Variants in NAPG observed in about 807,000 individuals in gnomAD.
The protein encoded by NAPG is NSF attachment protein gamma.
NAPG carries 25 observed loss-of-function variants against 48.4 expected under a neutral mutation model. That is an observed-to-expected ratio of 0.52 (90% CI 0.38 to 0.72). The LOEUF (loss-of-function observed/expected upper bound fraction) is 0.72, where lower values mean the gene tolerates loss of function less well. Ranked by LOEUF, NAPG falls within the 30% of genes least tolerant of loss-of-function variation. The probability of loss-of-function intolerance (pLI) is 0.00; values close to 1 mark genes in which losing one functional copy is unlikely to be tolerated. For synonymous variants in NAPG, 139 were observed against 127.2 expected, an observed-to-expected ratio of 1.09 and a Z score of -0.62; for missense variants, 359 against 372.5, an observed-to-expected ratio of 0.96 and a Z score of 0.30.
rs527858203 is a variant in NAPG at position 10,546,463 on chromosome 18, G to C, written c.585+59G>C. 1.1e-6 allele frequency: 1 copy of C among 936,748 alleles called. No individual in the cohort carries two copies. The highest frequency in any genetic ancestry group is 1.6e-6 in the Non-Finnish European group (1 of 627,318). The allele number at this position is 936,748 out of a possible 1,614,324, so 58.0% of individuals were successfully genotyped here. A position where few individuals can be genotyped will look rare whatever the true frequency, so the allele number is the denominator to read the frequency against. On this transcript the variant is annotated intron_variant, in intron 9 of 11. Transcript: ENST00000322897. The surrounding 1 kb of genome is among the most constrained non-coding windows in gnomAD (Gnocchi z 4.0). ...ATTAGATGATTTTTTATACTGGTAT[G>C]AATAAGTACTTAAGAAAGGATTCTA... is the stretch of plus-strand genomic sequence containing the variant.
At chr18:10,527,405 A>ACTCAAG (rs1332400869) in intron 1 of NAPG, among the ~76,000 whole-genome samples, 7 of 151,972 alleles carry the variant, frequency 4.6e-5, no homozygotes, top group African/African-American at 4.8e-5. Flanking sequence ...CAGTGGAAAA[A>ACTCAAG]CTCAAGCTCT....
chr18:10,530,667 CTTTTTTTTT>C, intron 1 of NAPG, 94 bp from the exon 2 acceptor site: 1 of 480,570 alleles, frequency 2.1e-6, no homozygotes, highest in Non-Finnish European at 3.2e-6. Flanking sequence ...ATGGTTTCTC[CTTTTTTTTT>C]TTTTTTTTAA....
Position 10,552,692 on chromosome 18 carries a change from T to C in NAPG, c.*2472T>C, listed in dbSNP as rs1258086659. The C allele has an allele frequency of 6.6e-6, 1 of 152,252 alleles. No homozygotes were observed. The highest frequency in any genetic ancestry group is 1.5e-5 in the Non-Finnish European group (1 of 68,038). The allele number at this position is 152,252 out of a possible 1,614,324, so 9.4% of individuals were successfully genotyped here. On this transcript the variant is annotated 3_prime_UTR_variant, in exon 12 of 12. Transcript: ENST00000322897. ...ACTCTGATGAGTAGAATATTAAATG[T>C]GTTGTTATGGAAATACAGATTATTG...
rs767284478 is a variant in NAPG at position 10,542,593 on chromosome 18, G to A, written c.506+2194G>A. ...TGTTGCCTAAAAGAACTAAACAGGT[G>A]GTAATTTTATGCTTCACACAAGCAA... On this transcript the variant is annotated intron_variant, in intron 8 of 11. Coordinates refer to ENST00000322897, the MANE Select transcript of NAPG (RefSeq NM_003826.3). This position sits in a 1 kb window ranked among gnomAD's most constrained non-coding sequence, Gnocchi z 4.5. 2.0e-4 allele frequency among the ~76,000 whole-genome samples: 30 copies of A among 152,162 alleles called. No individual in the cohort carries two copies. The highest frequency in any genetic ancestry group is 1.2e-4 in the Non-Finnish European group (8 of 68,022).
At chr18:10,549,711 T>C (rs1208540283) in intron 11 of NAPG, among the ~76,000 whole-genome samples, 1 of 152,234 alleles carries the variant, frequency 6.6e-6, no homozygotes, top group Non-Finnish European at 1.5e-5. Context: ...AGTACCTGTT[T>C]GGCCTTAGGC....
At chr18:10,528,055 G>A (rs1000796145) in intron 1 of NAPG, among the ~76,000 whole-genome samples, 24 of 152,082 alleles carry the variant, frequency 1.6e-4, no homozygotes, top group African/African-American at 4.6e-4. Context: ...CTGTGGTGGC[G>A]CGCACCTGTA....
chr18:10,539,677 A>T lies in NAPG; in HGVS notation c.259-85A>T, dbSNP rs915009289. 2 of 1,126,814 alleles carry T rather than the reference A, an allele frequency of 1.8e-6. No homozygotes were observed. Among genetic ancestry groups the T allele is most frequent in the African/African-American group, 3.1e-5 (2 of 63,690 alleles). 69.8% of individuals were successfully genotyped at this position (1,126,814 alleles called of 1,614,324 possible). A position where few individuals can be genotyped will look rare whatever the true frequency, so the allele number is the denominator to read the frequency against. On this transcript the variant is annotated intron_variant, in intron 5 of 11. Transcript: ENST00000322897. The surrounding 1 kb of genome is among the most constrained non-coding windows in gnomAD (Gnocchi z 4.7). The stretch of plus-strand genomic sequence containing the variant: ...ACATGTGTCCCAGAACTTAAAATAA[A>T]AAATAATTGCATTTCAGATTGTTAA...
chr18:10,544,218 C>T lies in NAPG; in HGVS notation c.507-2108C>T, dbSNP rs757447634. On this transcript the variant is annotated intron_variant, in intron 8 of 11. Coordinates refer to ENST00000322897, the MANE Select transcript of NAPG (RefSeq NM_003826.3). This position sits in a 1 kb window ranked among gnomAD's most constrained non-coding sequence, Gnocchi z 5.1. ...GCATTAATTTTTTATTTCTGCATAG[C>T]AGATTGCTACAAACTTAGCAGCTTA... is the stretch of plus-strand genomic sequence containing the variant. Among the ~76,000 whole-genome samples, 6 of 152,192 alleles carry T rather than the reference C, an allele frequency of 3.9e-5. No individual in the cohort carries two copies. Among genetic ancestry groups the T allele is most frequent in the Non-Finnish European group, 7.3e-5 (5 of 68,030 alleles).
intron 5 of NAPG, among the ~76,000 whole-genome samples, chr18:10,536,301 C>G (rs537176711): frequency 5.3e-5 from 8 of 152,308 alleles, no homozygotes; most frequent in African/African-American, 1.7e-4. Flanking sequence ...CTGTTGGGAG[C>G]ACAGGACCCC....
rs2032304916 is a variant in NAPG, at chr18:10,548,049, G to A, written c.586-250G>A. On this transcript the variant is annotated intron_variant, in intron 9 of 11. Transcript: ENST00000322897. The surrounding 1 kb of genome is among the most constrained non-coding windows in gnomAD (Gnocchi z 4.4). ...AGACCAGCAGCAGGAGTGCCCCCTG[G>A]AATTTGTTAGAAATGGGTGAATCCC... 6.6e-6 allele frequency among the ~76,000 whole-genome samples: 1 copy of A among 152,164 alleles called. No individual in the cohort carries two copies. Among genetic ancestry groups the A allele is most frequent in the African/African-American group, 2.4e-5 (1 of 41,450 alleles).
Position 10,550,121 on chromosome 18 carries a change from C to G in NAPG, c.840C>G (p.Ile280Met), listed in dbSNP as rs2032356742. ...GLSLVVPGGG[I>M]KKKSPATPQA... ...GTTTGGTGGTTCCAGGAGGGGGAAT[C>G]AAGAAGAAATCACCTGCAACACCAC... Residue 280 changes from isoleucine to methionine, a missense_variant, in exon 12 of 12, where the codon ATC becomes ATG. Ile to Met is a conservative substitution (Grantham distance 10). Transcript: ENST00000322897. 1 of 1,575,482 alleles carries G rather than the reference C, an allele frequency of 6.3e-7. No homozygotes were observed. The highest frequency in any genetic ancestry group is 1.7e-4 in the Middle Eastern group (1 of 5,976).
At chr18:10,547,002 C>T (rs1598413041) in intron 9 of NAPG, among the ~76,000 whole-genome samples, 1 of 152,268 alleles carries the variant, frequency 6.6e-6, no homozygotes, top group Non-Finnish European at 1.5e-5. Context: ...GGAGAAAATT[C>T]CGGAAAGGAG....
chr18:10,548,627 T>A lies in NAPG; in HGVS notation c.665+249T>A, dbSNP rs1271504471. On this transcript the variant is annotated intron_variant, in intron 10 of 11. Coordinates refer to ENST00000322897, the MANE Select transcript of NAPG (RefSeq NM_003826.3). The surrounding 1 kb of genome is among the most constrained non-coding windows in gnomAD (Gnocchi z 4.4). ...AGTCATTTTAGTCATTTTATTTGCC[T>A]TCTAAGAAAAAAAGAACAAGAAAAA... Among the ~76,000 whole-genome samples the A allele has an allele frequency of 1.3e-5, 2 of 151,916 alleles. No homozygotes were observed. The highest frequency in any genetic ancestry group is 2.9e-5 in the Non-Finnish European group (2 of 67,970).
At chr18:10,538,170 A>G (rs2032073985) in intron 5 of NAPG, among the ~76,000 whole-genome samples, 1 of 152,002 alleles carries the variant, frequency 6.6e-6, no homozygotes, top group Non-Finnish European at 1.5e-5. Context: ...TAATAGTAAG[A>G]TACAGAATTT....
rs2032386945 is a variant in NAPG, at chr18:10,551,250, C to A, written c.*1030C>A. 1 of 152,002 alleles carries A rather than the reference C, an allele frequency of 6.6e-6. No individual in the cohort carries two copies. The highest frequency in any genetic ancestry group is 1.5e-5 in the Non-Finnish European group (1 of 68,000). 9.4% of individuals were successfully genotyped at this position (152,002 alleles called of 1,614,324 possible). On this transcript the variant is annotated 3_prime_UTR_variant, in exon 12 of 12. Coordinates refer to ENST00000322897, the MANE Select transcript of NAPG (RefSeq NM_003826.3). The stretch of plus-strand genomic sequence containing the variant: ...CCTCACCCAGCCTATGAATATCTTT[C>A]TAACATTGTAAGAATGAGGTAATGT...
chr18:10,530,300 A>G (rs115637738), intron 1 of NAPG, among the ~76,000 whole-genome samples: 276 of 143,278 alleles, frequency 1.9e-3, no homozygotes, highest in Middle Eastern at 8.5e-3. Flanking sequence ...AGGGGATCTG[A>G]TCTCATCTAT....
rs2031807650 is a variant in NAPG at position 10,526,282 on chromosome 18, CCCG to C, written c.56+126_56+128del. The C allele has an allele frequency of 2.4e-5, 17 of 720,256 alleles. No individual in the cohort carries two copies. The South Asian group carries it at 2.5e-4, about 11-fold the overall frequency. 44.6% of individuals were successfully genotyped at this position (720,256 alleles called of 1,614,324 possible). ...GCTGAGGGGCCTCGGCGCGCTGGTG[CCCG>C]CAGGGCTGCCGGGGCTCGGTGTCCT... On this transcript the variant is annotated intron_variant, in intron 1 of 11. Transcript: ENST00000322897.
intron 11 of NAPG, among the ~76,000 whole-genome samples, chr18:10,549,765 G>A (rs2032347195): frequency 6.6e-6 from 1 of 152,008 alleles, no homozygotes; most frequent in Admixed American, 6.6e-5. Flanking sequence ...AAGGCCTTCA[G>A]TTGTTTATTA....
At chr18:10,535,118 T>C (rs1423752780) in intron 5 of NAPG, among the ~76,000 whole-genome samples, 5 of 152,228 alleles carry the variant, frequency 3.3e-5, no homozygotes, top group African/African-American at 4.8e-5. Flanking sequence ...TGTCTTTCTT[T>C]TTTAAAAATG....
Sources: allele counts gnomAD v4.1 joint callset (sites outside exome capture counted in the v4.1 genomes callset), GRCh38; gene constraint gnomAD v4.1.1; non-coding constraint Gnocchi (gnomAD v3.1); transcripts MANE v1.5; gene names NCBI Gene and HGNC (gene_info 2026-07-23, HGNC 2026-07-21).